Variants in CASQ2 observed in about 807,000 individuals in gnomAD.
CASQ2 encodes calsequestrin-2.
A neutral mutation model predicts 46.5 loss-of-function variants in CASQ2; 49 were observed. That is an observed-to-expected ratio of 1.05 (90% CI 0.84 to 1.34). CASQ2 has a LOEUF of 1.34. Ranked by LOEUF, CASQ2 falls within the 40% of genes most tolerant of loss-of-function variation. CASQ2 has a pLI of 0.00. For missense variants in CASQ2, 486 were observed against 481.3 expected (o/e 1.01, Z -0.09); for synonymous variants, 174 against 168.5 (o/e 1.03, Z -0.25).
chr1:115,706,228 A>T lies in CASQ2; in HGVS notation c.839-936T>A, dbSNP rs1285641902. ...TGTGCACGCGTGCATGTGCAGAAACACAAGCCATGTGTGCATGTGTGTCCA... is the reference window on the plus strand; with the variant it reads ...TGTGCACGCGTGCATGTGCAGAAACTCAAGCCATGTGTGCATGTGTGTCCA... On this transcript the variant is annotated intron_variant, in intron 8 of 10. Transcript: ENST00000261448. 2.0e-5 allele frequency among the ~76,000 whole-genome samples: 3 copies of T among 152,264 alleles called. No individual in the cohort carries two copies. In the East Asian group the frequency reaches 5.8e-4, roughly 29 times the overall value.
intron 1 of CASQ2, among the ~76,000 whole-genome samples, chr1:115,767,742 A>C (rs994191281): frequency 3.9e-5 from 6 of 152,256 alleles, no homozygotes; most frequent in African/African-American, 1.4e-4. Context: ...TCTGAGAAAA[A>C]AAATCACATA....
intron 9 of CASQ2, among the ~76,000 whole-genome samples, chr1:115,704,181 T>C (rs1250968243): frequency 6.6e-6 from 1 of 152,226 alleles, no homozygotes; most frequent in Non-Finnish European, 1.5e-5. Context: ...CTCTCAATTT[T>C]CTCTATTTAA....
chr1:115,707,398 G>A (rs760088567), intron 8 of CASQ2, among the ~76,000 whole-genome samples: 23 of 152,194 alleles, frequency 1.5e-4, no homozygotes, highest in South Asian at 4.2e-4. Flanking sequence ...CTTTTAATCC[G>A]TGCTCATAAC....
At chr1:115,719,139 A>G (rs1647279521) in intron 7 of CASQ2, among the ~76,000 whole-genome samples, 1 of 152,194 alleles carries the variant, frequency 6.6e-6, no homozygotes, top group African/African-American at 2.4e-5. Flanking sequence ...AGCCTCCACA[A>G]ATTCTAAGAA....
chr1:115,705,977 G>A (rs765277020), intron 8 of CASQ2, among the ~76,000 whole-genome samples: 20 of 152,108 alleles, frequency 1.3e-4, no homozygotes, highest in Non-Finnish European at 8.8e-5. Flanking sequence ...AACCTTGAAG[G>A]ACTAGGAGCA....
intron 8 of CASQ2, among the ~76,000 whole-genome samples, chr1:115,706,384 G>A (rs1654364199): frequency 6.6e-6 from 1 of 152,128 alleles, no homozygotes; most frequent in African/African-American, 2.4e-5. Flanking sequence ...GAGCACTAGG[G>A]CAGAAAAGCC....
intron 8 of CASQ2, among the ~76,000 whole-genome samples, chr1:115,708,766 C>A (rs1011286394): frequency 6.6e-6 from 1 of 152,218 alleles, no homozygotes. Context: ...TGCTCATTTA[C>A]CACATCGGTA....
chr1:115,764,559 C>T (rs1158137570), intron 1 of CASQ2, among the ~76,000 whole-genome samples: 1 of 152,198 alleles, frequency 6.6e-6, no homozygotes, highest in African/African-American at 2.4e-5. Flanking sequence ...GAACTGCCAG[C>T]TGTTTAAGTC....
At chr1:115,758,210 A>C in intron 1 of CASQ2, among the ~76,000 whole-genome samples, 1 of 152,250 alleles carries the variant, frequency 6.6e-6, no homozygotes, top group Non-Finnish European at 1.5e-5. Context: ...AATGTTTTAT[A>C]GCTTTGTGAG....
At chr1:115,747,366 A>G (rs1034154823) in intron 1 of CASQ2, among the ~76,000 whole-genome samples, 1 of 152,170 alleles carries the variant, frequency 6.6e-6, no homozygotes, top group African/African-American at 2.4e-5. Context: ...CATAGTCTTG[A>G]TTGCAGTAGC....
intron 7 of CASQ2, among the ~76,000 whole-genome samples, chr1:115,720,246 G>A (rs1647319418): frequency 2.0e-5 from 3 of 152,078 alleles, no homozygotes; most frequent in African/African-American, 7.2e-5. Context: ...AAGTCAAGGC[G>A]CCGGCAGATT....
chr1:115,727,917 C>T (rs1172509292), intron 5 of CASQ2, among the ~76,000 whole-genome samples: 1 of 152,206 alleles, frequency 6.6e-6, no homozygotes, highest in Admixed American at 6.5e-5. Context: ...AGTGTGTTGT[C>T]AAGGCAGAAT....
intron 8 of CASQ2, among the ~76,000 whole-genome samples, chr1:115,707,944 G>A (rs1266366475): frequency 2.0e-5 from 3 of 152,222 alleles, no homozygotes; most frequent in Admixed American, 6.5e-5. Flanking sequence ...CACAAGTGTT[G>A]TGGAGGGACA....
chr1:115,706,408 CA>C (rs890930264), intron 8 of CASQ2, among the ~76,000 whole-genome samples: 9 of 152,086 alleles, frequency 5.9e-5, no homozygotes, highest in African/African-American at 9.7e-5. Flanking sequence ...CAGAAGGCCC[CA>C]TGGAGTTGTC....
At chr1:115,722,445 T>C (rs1369030090) in intron 7 of CASQ2, among the ~76,000 whole-genome samples, 2 of 151,776 alleles carry the variant, frequency 1.3e-5, no homozygotes, top group Non-Finnish European at 2.9e-5. Flanking sequence ...CAACAGGGAG[T>C]ATTTCTGTAG....
intron 5 of CASQ2, 30 bp from the exon 6 acceptor site, chr1:115,727,152 A>G: frequency 6.6e-7 from 1 of 1,525,424 alleles, no homozygotes; most frequent in Non-Finnish European, 9.1e-7. Flanking sequence ...GACAAAGTTT[A>G]TTTGAATACT....
At chr1:115,730,186 A>G (rs1227534033) in intron 5 of CASQ2, among the ~76,000 whole-genome samples, 3 of 152,210 alleles carry the variant, frequency 2.0e-5, no homozygotes, top group Non-Finnish European at 4.4e-5. Flanking sequence ...TAAAAAATTA[A>G]AATTTCCAGG....
intron 1 of CASQ2, among the ~76,000 whole-genome samples, chr1:115,759,282 TGTGG>T (rs1434994666): frequency 7.9e-5 from 12 of 152,334 alleles, no homozygotes; most frequent in Admixed American, 2.6e-4. Flanking sequence ...GTTTGGGTTA[TGTGG>T]GTGGGCCCCT....
chr1:115,751,908 T>C (rs1570849155), intron 1 of CASQ2, among the ~76,000 whole-genome samples: 1 of 152,194 alleles, frequency 6.6e-6, no homozygotes, highest in African/African-American at 2.4e-5. Flanking sequence ...GGTCACTCTA[T>C]TTCTTACTTA....
Sources: gnomAD v4.1 joint callset for allele counts (sites outside exome capture counted in the v4.1 genomes callset) on GRCh38, gnomAD v4.1.1 for gene constraint, MANE v1.5 for transcripts, NCBI Gene and HGNC (gene_info 2026-07-23, HGNC 2026-07-21) for gene names.